The following SCGB1D1 variants were observed in gnomAD, a reference collection of about 807,000 sequenced individuals.
SCGB1D1 encodes the protein lipophilin A (uteroglobin family member).
SCGB1D1 carries 10 observed loss-of-function variants against 8.3 expected under a neutral mutation model. That is an observed-to-expected ratio of 1.21 (90% CI 0.74 to 2.05). The LOEUF is 2.05. SCGB1D1 is among the 30% of genes most tolerant of loss of function. The pLI, the probability that SCGB1D1 is intolerant of heterozygous loss-of-function variation, is 0.00. For synonymous variants in SCGB1D1, 46 were observed against 41.7 expected (o/e 1.10, Z -0.39); for missense variants, 94 against 105.1 (o/e 0.89, Z 0.46).
rs1219414762 is a variant in SCGB1D1, at chr11:62,192,177, G to A, written c.177G>A (p.Lys59=). The change falls in exon 2 of 3, where the codon AAG becomes AAA. Residue 59 remains lysine, a synonymous_variant. Transcript: ENST00000306238. ...FKAPLEAVAA[K]MEVKKCVDTM... The stretch of plus-strand genomic sequence containing the variant: ...CACCTCTGGAAGCTGTTGCAGCCAA[G>A]ATGGAAGTGAAGAAATGCGTGGATA... 9 of 1,613,842 alleles carry A rather than the reference G, an allele frequency of 5.6e-6. No homozygotes were observed. In the Admixed American group the frequency reaches 1.0e-4, roughly 18 times the overall value.
At chr11:62,191,629 C>G (rs1590647528) in intron 1 of SCGB1D1, among the ~76,000 whole-genome samples, 1 of 152,192 alleles carries the variant, frequency 6.6e-6, no homozygotes. Context: ...TTACTCATTT[C>G]TCTAATTTCT....
chr11:62,192,099 C>T lies in SCGB1D1; in HGVS notation c.99C>T (p.Gly33=). 1 of 1,612,840 alleles carries T rather than the reference C, an allele frequency of 6.2e-7. No individual in the cohort carries two copies. The highest frequency in any genetic ancestry group is 8.5e-7 in the Non-Finnish European group (1 of 1,179,020). The change falls in exon 2 of 3, where the codon GGC becomes GGT. Residue 33 remains glycine, a synonymous_variant. Coordinates refer to ENST00000306238, the MANE Select transcript of SCGB1D1 (RefSeq NM_006552.2). ...AAGCTCTTGGTTCTGAAATCACAGG[C>T]TTCTTATTAGCTGGAAAACCTGTGT... The part of the protein sequence containing the change: ...VCQALGSEIT[G]FLLAGKPVFK...
chr11:62,193,528 A>G lies in SCGB1D1; in HGVS notation c.*100A>G. 1 of 1,068,974 alleles carries G rather than the reference A, an allele frequency of 9.4e-7. No individual in the cohort carries two copies. The highest frequency in any genetic ancestry group is 1.4e-6 in the Non-Finnish European group (1 of 719,580). 66.2% of individuals were successfully genotyped at this position (1,068,974 alleles called of 1,614,324 possible). A position where few individuals can be genotyped will look rare whatever the true frequency, so the allele number is the denominator to read the frequency against. On this transcript the variant is annotated 3_prime_UTR_variant, in exon 3 of 3. Transcript: ENST00000306238. ...TTTCAACGTCTTGCTCTAATAAATC[A>G]CTTGCCCTGAACTTCTCCACTGGTC...
At position 62,193,404 on chromosome 11, in the gene SCGB1D1, A is replaced by C; in HGVS notation, c.249A>C (p.Lys83Asn). The C allele has an allele frequency of 6.2e-7, 1 of 1,612,794 alleles. No homozygotes were observed. Among genetic ancestry groups the C allele is most frequent in the Non-Finnish European group, 8.5e-7 (1 of 1,179,456 alleles). ...KRVLITKTLGKIAEKCDR is the reference protein window; with the variant it reads ...KRVLITKTLGNIAEKCDR ...TCTTTCCTTTTCTATTTCAGGGAAA[A>C]ATAGCAGAGAAATGTGATCGCTGAG... is the stretch of plus-strand genomic sequence containing the variant. The change falls in exon 3 of 3, where the codon AAA (lysine) becomes AAC (asparagine). Residue 83 changes from lysine (K) to asparagine (N), a missense_variant. Coordinates refer to ENST00000306238, the MANE Select transcript of SCGB1D1 (RefSeq NM_006552.2).
chr11:62,192,528 A>C (rs1278603604), intron 2 of SCGB1D1, among the ~76,000 whole-genome samples: 1 of 152,232 alleles, frequency 6.6e-6, no homozygotes, highest in Non-Finnish European at 1.5e-5. Context: ...GCCTGGGTCC[A>C]GGCAGGGGTG....
chr11:62,192,338 G>A, intron 2 of SCGB1D1, 95 bp downstream of exon 2: 1 of 1,134,668 alleles, frequency 8.8e-7, no homozygotes, highest in Non-Finnish European at 1.3e-6. Flanking sequence ...GGACACAGGT[G>A]GTGGGGCACC....
chr11:62,193,325 C>A, intron 2 of SCGB1D1, 74 bp from the exon 3 acceptor site: 1 of 1,385,876 alleles, frequency 7.2e-7, no homozygotes, highest in East Asian at 2.3e-5. Context: ...CCATCGGCCA[C>A]TTGGATGTTA....
rs748943070 is a variant in SCGB1D1 at position 62,190,347 on chromosome 11, C to T, written c.55+8C>T. 58 of 1,614,038 alleles carry T rather than the reference C, an allele frequency of 3.6e-5. No individual in the cohort carries two copies. The highest frequency in any genetic ancestry group is 4.6e-5 in the Non-Finnish European group (54 of 1,180,002). On this transcript the variant is annotated splice_region_variant and intron_variant, in intron 1 of 2. Coordinates refer to ENST00000306238, the MANE Select transcript of SCGB1D1 (RefSeq NM_006552.2). The stretch of plus-strand genomic sequence containing the variant: ...CCCTTTGCTGCTACCGGGGTGAGTA[C>T]ATCAGTCATGAGTCCAGCACCAGCC...
At chr11:62,192,546 G>A (rs1944686806) in intron 2 of SCGB1D1, among the ~76,000 whole-genome samples, 2 of 152,220 alleles carry the variant, frequency 1.3e-5, no homozygotes. Context: ...GTGGTGAAGG[G>A]CCAAGCACAA....
chr11:62,193,423 C>A lies in SCGB1D1; in HGVS notation c.268C>A (p.Arg90Ser), dbSNP rs577027339. 8 of 1,612,348 alleles carry A rather than the reference C, an allele frequency of 5.0e-6. No individual in the cohort carries two copies. In the South Asian group the frequency reaches 7.7e-5, roughly 16 times the overall value. The change falls in exon 3 of 3, where the codon CGC becomes AGC. Residue 90 changes from arginine (R) to serine (S), a missense_variant. Coordinates refer to ENST00000306238, the MANE Select transcript of SCGB1D1 (RefSeq NM_006552.2). ...TLGKIAEKCDR is the reference protein window; with the variant it reads ...TLGKIAEKCDS ...GGGAAAAATAGCAGAGAAATGTGAT[C>A]GCTGAGATGTAAAAAGTTTTTAATG...
chr11:62,190,981 AC>A (rs1198442890), intron 1 of SCGB1D1, among the ~76,000 whole-genome samples: 1 of 152,190 alleles, frequency 6.6e-6, no homozygotes, highest in East Asian at 1.9e-4. Context: ...AATAAGCAGC[AC>A]TCAATATATC....
chr11:62,191,106 C>T (rs573878686), intron 1 of SCGB1D1, among the ~76,000 whole-genome samples: 4 of 152,262 alleles, frequency 2.6e-5, no homozygotes, highest in African/African-American at 4.8e-5. Flanking sequence ...TGGGTACTTT[C>T]CTTTCCCCTG....
At chr11:62,192,740 G>T (rs1451281966) in intron 2 of SCGB1D1, among the ~76,000 whole-genome samples, 1 of 152,176 alleles carries the variant, frequency 6.6e-6, no homozygotes, top group East Asian at 1.9e-4. Flanking sequence ...GAACCAGGAA[G>T]GAGCCCCTCC....
rs560035602 is a variant in SCGB1D1 at position 62,193,452 on chromosome 11, G to A, written c.*24G>A. 15 of 1,595,260 alleles carry A rather than the reference G, an allele frequency of 9.4e-6. No individual in the cohort carries two copies. The South Asian group carries it at 1.1e-4, about 12-fold the overall frequency. The stretch of plus-strand genomic sequence containing the variant: ...GAGATGTAAAAAGTTTTTAATGCTA[G>A]TTTCCACCATCTTTCAATGATACCC... On this transcript the variant is annotated 3_prime_UTR_variant, in exon 3 of 3. Transcript: ENST00000306238.
rs773052421 is a variant in SCGB1D1 at position 62,192,009 on chromosome 11, A to G, written c.56-47A>G. On this transcript the variant is annotated intron_variant, in intron 1 of 2. Transcript: ENST00000306238. ...TCTGACATCAGGGAGGCATGGGAGA[A>G]ACACTGATTTCCTTACACAAATTAT... 1.3e-5 allele frequency: 20 copies of G among 1,525,168 alleles called. No homozygotes were observed. In the South Asian group the frequency reaches 2.4e-4, roughly 18 times the overall value. 94.5% of individuals were successfully genotyped at this position (1,525,168 alleles called of 1,614,324 possible).
At chr11:62,190,582 T>A (rs1944671197) in intron 1 of SCGB1D1, among the ~76,000 whole-genome samples, 1 of 152,162 alleles carries the variant, frequency 6.6e-6, no homozygotes, top group Non-Finnish European at 1.5e-5. Flanking sequence ...AGCTTCACTC[T>A]TGGATGGGAT....
chr11:62,192,118 C>T lies in SCGB1D1; in HGVS notation c.118C>T (p.Pro40Ser), dbSNP rs775599318. The change falls in exon 2 of 3, where the codon CCT (proline) becomes TCT (serine). Residue 40 changes from proline to serine, a missense_variant. Coordinates refer to ENST00000306238, the MANE Select transcript of SCGB1D1 (RefSeq NM_006552.2). ...EITGFLLAGK[P>S]VFKFQLAKFK... ...CACAGGCTTCTTATTAGCTGGAAAA[C>T]CTGTGTTCAAGTTCCAACTTGCCAA... 6.2e-7 allele frequency: 1 copy of T among 1,613,272 alleles called. No homozygotes were observed. Among genetic ancestry groups the T allele is most frequent in the Non-Finnish European group, 8.5e-7 (1 of 1,179,442 alleles).
chr11:62,192,483 G>A (rs972985095), intron 2 of SCGB1D1, among the ~76,000 whole-genome samples: 21 of 152,208 alleles, frequency 1.4e-4, no homozygotes, highest in Admixed American at 2.0e-4. Context: ...CCTGGATGCC[G>A]TGTCCCCAGA....
At chr11:62,193,133 C>G (rs923619362) in intron 2 of SCGB1D1, among the ~76,000 whole-genome samples, 5 of 152,182 alleles carry the variant, frequency 3.3e-5, no homozygotes, top group African/African-American at 1.2e-4. Context: ...CCTGGGACAG[C>G]CCAGACAATA....
Sources: allele counts gnomAD v4.1 joint callset (sites outside exome capture counted in the v4.1 genomes callset), GRCh38; gene constraint gnomAD v4.1.1; transcripts MANE v1.5; gene names NCBI Gene and HGNC (gene_info 2026-07-23, HGNC 2026-07-21).